Variants in ZNF562 observed in about 807,000 individuals in gnomAD.
The protein encoded by ZNF562 is zinc finger protein 562.
In ZNF562, 13 loss-of-function variants were observed where a neutral mutation model predicts 17.5. That is an observed-to-expected ratio of 0.74 (90% CI 0.48 to 1.18). The LOEUF is 1.18. Among genes scored for constraint, ZNF562 ranks in the 50% most tolerant of loss-of-function variants. The pLI, the probability that ZNF562 is intolerant of heterozygous loss-of-function variation, is 0.00. For missense variants in ZNF562, 481 were observed against 498.5 expected (o/e 0.96, Z 0.33); for synonymous variants, 163 against 165.4 (o/e 0.99, Z 0.11).
At chr19:9,673,405 G>A (rs8104514) in intron 1 of ZNF562, among the ~76,000 whole-genome samples, 45,223 of 151,790 alleles carry the variant, frequency 0.3, 8,384 homozygotes, top group African/African-American at 0.51. Context: ...AGCACCCAGC[G>A]TTTTATTTTT....
intron 2 of ZNF562, among the ~76,000 whole-genome samples, chr19:9,659,974 A>C (rs866507237): frequency 8.1e-5 from 10 of 123,540 alleles, no homozygotes; most frequent in Admixed American, 2.9e-4. Context: ...AAAAAAAAAA[A>C]AAAACTACAG....
At position 9,642,210 on chromosome 19, in the gene ZNF562, C is replaced by G. The variant is rs901792959; in HGVS notation, c.*10739G>C. 2 of 150,278 alleles carry G rather than the reference C, an allele frequency of 1.3e-5. No homozygotes were observed. The highest frequency in any genetic ancestry group is 3.0e-5 in the Non-Finnish European group (2 of 67,772). 9.3% of individuals were successfully genotyped at this position (150,278 alleles called of 1,614,324 possible). Reference sequence around the variant, plus strand: ...TTATCACAAGGGCGGGGGGATGTCACAATGGCTTGACCATGGTATGGCCAG... The same window carrying G: ...TTATCACAAGGGCGGGGGGATGTCAGAATGGCTTGACCATGGTATGGCCAG... On this transcript the variant is annotated 3_prime_UTR_variant, in exon 6 of 6. Coordinates refer to ENST00000453372, the MANE Select transcript of ZNF562 (RefSeq NM_001130031.2).
At chr19:9,664,303 G>A (rs1042798422) in intron 1 of ZNF562, among the ~76,000 whole-genome samples, 6 of 152,150 alleles carry the variant, frequency 3.9e-5, no homozygotes, top group African/African-American at 1.2e-4. Flanking sequence ...TCCTGACCAC[G>A]AGTGGTCCAC....
intron 1 of ZNF562, among the ~76,000 whole-genome samples, chr19:9,667,169 ACAAT>A (rs2043984733): frequency 6.6e-6 from 1 of 152,214 alleles, no homozygotes; most frequent in African/African-American, 2.4e-5. Flanking sequence ...ATCATTCATC[ACAAT>A]CAAGTGAAAT....
intron 5 of ZNF562, 148 bp downstream of exon 5, chr19:9,656,399 C>A: frequency 1.4e-6 from 1 of 737,396 alleles, no homozygotes; most frequent in Non-Finnish European, 2.2e-6. Context: ...GTCCTAGCTA[C>A]TCGGGAGGCT....
intron 1 of ZNF562, among the ~76,000 whole-genome samples, chr19:9,662,140 GATCCCCTGT>G (rs1568272756): frequency 6.6e-6 from 1 of 152,276 alleles, no homozygotes; most frequent in East Asian, 1.9e-4. Context: ...CCTAGAGCCT[GATCCCCTGT>G]ATATGCTGTT....
At chr19:9,673,094 T>G (rs1456592993) in intron 1 of ZNF562, among the ~76,000 whole-genome samples, 2 of 152,170 alleles carry the variant, frequency 1.3e-5, no homozygotes, top group African/African-American at 4.8e-5. Context: ...CTACTCATTC[T>G]GCAGCTATTC....
Position 9,642,700 on chromosome 19 carries a change from A to G in ZNF562, c.*10249T>C, listed in dbSNP as rs184140959. On this transcript the variant is annotated 3_prime_UTR_variant, in exon 6 of 6. Transcript: ENST00000453372. The stretch of plus-strand genomic sequence containing the variant: ...ATCAAATGGGTAATAAGACTATGTA[A>G]CAGGAACAACACAACAACAGTTGCT... 2.9e-4 allele frequency: 44 copies of G among 152,186 alleles called. No individual in the cohort carries two copies. Among genetic ancestry groups the G allele is most frequent in the African/African-American group, 8.9e-4 (37 of 41,522 alleles). 9.4% of individuals were successfully genotyped at this position (152,186 alleles called of 1,614,324 possible).
At chr19:9,655,360 G>T (rs565098982) in intron 5 of ZNF562, among the ~76,000 whole-genome samples, 1 of 152,038 alleles carries the variant, frequency 6.6e-6, no homozygotes, top group African/African-American at 2.4e-5. Context: ...TGTACTTGTC[G>T]GTATTTTTCA....
rs1228744017 is a variant in ZNF562, at chr19:9,652,278, C to A, written c.*671G>T. 6.6e-6 allele frequency: 1 copy of A among 152,212 alleles called. No individual in the cohort carries two copies. Among genetic ancestry groups the A allele is most frequent in the African/African-American group, 2.4e-5 (1 of 41,450 alleles). 9.4% of individuals were successfully genotyped at this position (152,212 alleles called of 1,614,324 possible). On this transcript the variant is annotated 3_prime_UTR_variant, in exon 6 of 6. Coordinates refer to ENST00000453372, the MANE Select transcript of ZNF562 (RefSeq NM_001130031.2). ...TACAAGAAGGGGACATAGAAATAAT[C>A]AGCTGTGAAAGGGCACTGGCAGTTA...
At position 9,649,615 on chromosome 19, in the gene ZNF562, C is replaced by T. The variant is rs939422488; in HGVS notation, c.*3334G>A. The T allele has an allele frequency of 1.3e-5, 2 of 152,156 alleles. No individual in the cohort carries two copies. Among genetic ancestry groups the T allele is most frequent in the African/African-American group, 4.8e-5 (2 of 41,416 alleles). The allele number at this position is 152,156 out of a possible 1,614,324, so 9.4% of individuals were successfully genotyped here. A position where few individuals can be genotyped will look rare whatever the true frequency, so the allele number is the denominator to read the frequency against. ...AAATAGACCCCAGTCTCCCATAGCA[C>T]TCCCAGGCTTATTAGGAAGAGGAAA... On this transcript the variant is annotated 3_prime_UTR_variant, in exon 6 of 6. Coordinates refer to ENST00000453372, the MANE Select transcript of ZNF562 (RefSeq NM_001130031.2).
rs1223450128 is a variant in ZNF562 at position 9,642,478 on chromosome 19, T to C, written c.*10471A>G. 6.6e-6 allele frequency: 1 copy of C among 152,054 alleles called. No individual in the cohort carries two copies. The highest frequency in any genetic ancestry group is 1.9e-4 in the East Asian group (1 of 5,188). 9.4% of individuals were successfully genotyped at this position (152,054 alleles called of 1,614,324 possible). A position where few individuals can be genotyped will look rare whatever the true frequency, so the allele number is the denominator to read the frequency against. ...ATTTTGTAGAGAAGAGATCTCTCTA[T>C]GTTGCCTAGGCTGCCCTCAAACTCC... is the stretch of plus-strand genomic sequence containing the variant. On this transcript the variant is annotated 3_prime_UTR_variant, in exon 6 of 6. Transcript: ENST00000453372.
chr19:9,660,359 G>A (rs1420999014), intron 2 of ZNF562, among the ~76,000 whole-genome samples: 2 of 152,108 alleles, frequency 1.3e-5, no homozygotes, highest in Non-Finnish European at 2.9e-5. Flanking sequence ...AGGCACGGTG[G>A]CTCATGCCTG....
rs1478714047 is a variant in ZNF562, at chr19:9,647,761, G to C, written c.*5188C>G. The C allele has an allele frequency of 1.3e-5, 2 of 152,118 alleles. No individual in the cohort carries two copies. The highest frequency in any genetic ancestry group is 2.9e-5 in the Non-Finnish European group (2 of 68,058). The allele number at this position is 152,118 out of a possible 1,614,324, so 9.4% of individuals were successfully genotyped here. A position where few individuals can be genotyped will look rare whatever the true frequency, so the allele number is the denominator to read the frequency against. On this transcript the variant is annotated 3_prime_UTR_variant, in exon 6 of 6. Transcript: ENST00000453372. ...AGCTACTCGGGAGGCTGAGGCAGGA[G>C]AACCACTGGAACCCAGGAGGTGGAA...
At chr19:9,665,912 G>A (rs2043938353) in intron 1 of ZNF562, among the ~76,000 whole-genome samples, 1 of 151,802 alleles carries the variant, frequency 6.6e-6, no homozygotes, top group Admixed American at 6.6e-5. Flanking sequence ...AGGAGACTGA[G>A]GTGGGAGGAT....
rs571786317 is a variant in ZNF562 at position 9,647,625 on chromosome 19, T to C, written c.*5324A>G. On this transcript the variant is annotated 3_prime_UTR_variant, in exon 6 of 6. Coordinates refer to ENST00000453372, the MANE Select transcript of ZNF562 (RefSeq NM_001130031.2). ...CCCAGTACTTTGGGAGTATGAGGCATGCAGATCACCTGAGGTCAGGAGTTT... is the reference window on the plus strand; with the variant it reads ...CCCAGTACTTTGGGAGTATGAGGCACGCAGATCACCTGAGGTCAGGAGTTT... 2.9e-4 allele frequency: 44 copies of C among 152,134 alleles called. No homozygotes were observed. The highest frequency in any genetic ancestry group is 8.9e-4 in the African/African-American group (37 of 41,522). 9.4% of individuals were successfully genotyped at this position (152,134 alleles called of 1,614,324 possible). A position where few individuals can be genotyped will look rare whatever the true frequency, so the allele number is the denominator to read the frequency against.
intron 4 of ZNF562, 129 bp from the exon 5 acceptor site, chr19:9,656,782 T>A: frequency 1.2e-6 from 1 of 847,180 alleles, no homozygotes; most frequent in African/African-American, 1.7e-5. Flanking sequence ...CCCAGGACTT[T>A]GGGAGGCTGA....
chr19:9,665,574 T>C (rs2043926153), intron 1 of ZNF562, among the ~76,000 whole-genome samples: 1 of 152,134 alleles, frequency 6.6e-6, no homozygotes, highest in Non-Finnish European at 1.5e-5. Flanking sequence ...TGTAGGGGTA[T>C]GCTACACAGG....
At chr19:9,669,730 G>GCACACACACACACACA (rs1385183876) in intron 1 of ZNF562, among the ~76,000 whole-genome samples, 8 of 86,940 alleles carry the variant, frequency 9.2e-5, no homozygotes, top group African/African-American at 2.8e-4. Context: ...GCGCGCGCGC[G>GCACACACACACACACA]CGCGCACACA....
Sources: allele counts gnomAD v4.1 joint callset (sites outside exome capture counted in the v4.1 genomes callset), GRCh38; gene constraint gnomAD v4.1.1; transcripts MANE v1.5; gene names NCBI Gene and HGNC (gene_info 2026-07-23, HGNC 2026-07-21).